The following GTF2IRD1 variants were observed in gnomAD, a reference collection of about 807,000 sequenced individuals.
GTF2IRD1 encodes GTF2I repeat domain containing 1.
A neutral mutation model predicts 113.2 loss-of-function variants in GTF2IRD1; 26 were observed. The ratio of observed to expected loss-of-function variants is 0.23; its 90% CI spans 0.17 to 0.32. The LOEUF (loss-of-function observed/expected upper bound fraction) is 0.32, where lower values mean the gene tolerates loss of function less well. Among genes scored for constraint, GTF2IRD1 ranks in the 10% least tolerant of loss-of-function variants. The pLI is 1.00. For synonymous variants in GTF2IRD1, 484 were observed against 529.1 expected (o/e 0.91, Z 1.17); for missense variants, 864 against 1,280.8 (o/e 0.67, Z 4.97).
At chr7:74,579,620 G>GAA (rs35170472) in intron 22 of GTF2IRD1, among the ~76,000 whole-genome samples, 12 of 134,362 alleles carry the variant, frequency 8.9e-5, no homozygotes, top group Non-Finnish European at 7.9e-5. Flanking sequence ...TCCATCTTAA[G>GAA]AAAAAAAAAA....
chr7:74,587,000 T>C (rs1801753269), intron 22 of GTF2IRD1, among the ~76,000 whole-genome samples: 1 of 151,804 alleles, frequency 6.6e-6, no homozygotes, highest in Non-Finnish European at 1.5e-5. Context: ...TAAAAAAACT[T>C]AGTCTGGCAT....
At chr7:74,595,871 G>A (rs782534630) in intron 25 of GTF2IRD1, 13 of 152,366 alleles carry the variant, frequency 8.5e-5, no homozygotes, top group Non-Finnish European at 1.6e-4. Flanking sequence ...GGCATTGCCC[G>A]AGACTGGCCA....
At position 74,508,056 on chromosome 7, in the gene GTF2IRD1, G is replaced by A; in HGVS notation, c.-6-19G>A. The A allele has an allele frequency of 6.3e-7, 1 of 1,596,758 alleles. No individual in the cohort carries two copies. ...CCCCTGCCTTGTGCCCACCACCACT[G>A]CCTCCTCCCTCCCCACAGGCGACCA... On this transcript the variant is annotated intron_variant, in intron 1 of 26. Transcript: ENST00000424337.
chr7:74,547,084 A>T lies in GTF2IRD1; in HGVS notation c.1733-19A>T, dbSNP rs1470709099. ...GCCCTGTGGCACCGGGTGGCCCTAC[A>T]GCAGCCATGTCTCTGCAGCCAAGGC... On this transcript the variant is annotated intron_variant, in intron 16 of 26. Transcript: ENST00000424337. The T allele has an allele frequency of 1.2e-6, 2 of 1,605,474 alleles. No homozygotes were observed. The highest frequency in any genetic ancestry group is 1.3e-5 in the African/African-American group (1 of 74,732).
At position 74,538,748 on chromosome 7, in the gene GTF2IRD1, GT is replaced by G. The variant is rs1554350912; in HGVS notation, c.1517del (p.Val506AlafsTer13). The G allele has an allele frequency of 2.5e-6, 4 of 1,583,736 alleles. No individual in the cohort carries two copies. On this transcript the variant is annotated frameshift_variant, in exon 13 of 27. Coordinates refer to ENST00000424337, the MANE Select transcript of GTF2IRD1 (RefSeq NM_005685.4). LOFTEE classifies it high-confidence loss of function. Reference sequence around the variant, plus strand: ...GCCAGAGGATCTGGACATCATTCAGGTCACCGTCCCAGGTAAGGGACGGGCA... The same window carrying G: ...GCCAGAGGATCTGGACATCATTCAGGCACCGTCCCAGGTAAGGGACGGGCA... ...IEPEDLDIIQ[V>X]TVPDPSPTSE... is the part of the protein sequence containing the mutation.
At chr7:74,538,043 C>A in intron 11 of GTF2IRD1, 93 bp from the exon 12 acceptor site, 2 of 1,269,034 alleles carry the variant, frequency 1.6e-6, no homozygotes, top group Non-Finnish European at 2.3e-6. Context: ...GCAGTGGCGC[C>A]CGCGGTGGGC....
At chr7:74,540,450 G>A (rs587599605) in intron 14 of GTF2IRD1, among the ~76,000 whole-genome samples, 4 of 151,162 alleles carry the variant, frequency 2.6e-5, no homozygotes, top group Admixed American at 2.6e-4. Flanking sequence ...CTGGCCATAG[G>A]CTCCATTTAT....
chr7:74,573,768 A>T (rs587665886), intron 22 of GTF2IRD1, among the ~76,000 whole-genome samples: 6 of 151,290 alleles, frequency 4.0e-5, no homozygotes, highest in African/African-American at 1.5e-4. Context: ...AGGGAGGTGG[A>T]GGTTGGGGGC....
chr7:74,529,706 C>T (rs782522472), intron 8 of GTF2IRD1, 28 bp from the exon 9 acceptor site: 1 of 1,609,982 alleles, frequency 6.2e-7, no homozygotes, highest in Non-Finnish European at 8.5e-7. Flanking sequence ...GTCTAACACT[C>T]AGCCTTGCTG....
intron 22 of GTF2IRD1, among the ~76,000 whole-genome samples, chr7:74,585,107 G>C (rs1317860143): frequency 6.8e-6 from 1 of 147,334 alleles, no homozygotes; most frequent in Non-Finnish European, 1.5e-5. Context: ...CAGCCTGTTT[G>C]GTGTTTTTTT....
intron 22 of GTF2IRD1, among the ~76,000 whole-genome samples, chr7:74,575,377 G>A (rs2130899564): frequency 6.6e-6 from 1 of 152,248 alleles, no homozygotes; most frequent in Middle Eastern, 3.4e-3. Flanking sequence ...AGATGGAGAT[G>A]GACAGGGAAG....
At chr7:74,570,277 C>T (rs777007477) in intron 22 of GTF2IRD1, among the ~76,000 whole-genome samples, 2 of 151,392 alleles carry the variant, frequency 1.3e-5, no homozygotes, top group Non-Finnish European at 2.9e-5. Flanking sequence ...GCAGGAGAAT[C>T]GCTTGAACCT....
chr7:74,493,113 T>TTC (rs1795462058), intron 1 of GTF2IRD1, among the ~76,000 whole-genome samples: 9 of 142,800 alleles, frequency 6.3e-5, no homozygotes, highest in Non-Finnish European at 1.4e-4. Context: ...TCTTCTTCTT[T>TTC]TTTTTTTTTT....
chr7:74,459,928 GGAGC>G (rs1372772521), intron 1 of GTF2IRD1, among the ~76,000 whole-genome samples: 1 of 152,018 alleles, frequency 6.6e-6, no homozygotes, highest in Non-Finnish European at 1.5e-5. Flanking sequence ...GGGATGATCT[GGAGC>G]GAGTTTGAAT....
Position 74,555,622 on chromosome 7 carries a change from A to G in GTF2IRD1, c.2023+128A>G. 1 of 654,326 alleles carries G rather than the reference A, an allele frequency of 1.5e-6. No individual in the cohort carries two copies. Among genetic ancestry groups the G allele is most frequent in the African/African-American group, 1.8e-5 (1 of 55,712 alleles). 40.5% of individuals were successfully genotyped at this position (654,326 alleles called of 1,614,324 possible). On this transcript the variant is annotated intron_variant, in intron 19 of 26. Coordinates refer to ENST00000424337, the MANE Select transcript of GTF2IRD1 (RefSeq NM_005685.4). The surrounding 1 kb of genome is among the most constrained non-coding windows in gnomAD (Gnocchi z 5.3). ...ACTTCAGGGCCTAAGGGACCAGGCA[A>G]GCCAGGTTGGCAGCCCAGGCCCGGC...
chr7:74,520,922 A>AGG (rs1241478132), intron 6 of GTF2IRD1, among the ~76,000 whole-genome samples: 2 of 150,202 alleles, frequency 1.3e-5, no homozygotes, highest in African/African-American at 4.9e-5. Context: ...TGGGCTGACC[A>AGG]GGGCTTCGAA....
chr7:74,495,177 G>A (rs575175387), intron 1 of GTF2IRD1, among the ~76,000 whole-genome samples: 4 of 152,364 alleles, frequency 2.6e-5, no homozygotes, highest in South Asian at 4.1e-4. Context: ...CCAGGTGTCT[G>A]GGGTGGGAGA....
rs57295970 is a variant in GTF2IRD1, at chr7:74,496,027, TGA to T, written c.-6-12046_-6-12045del. ...AGGAGGACTTGGACTAGCGTGTGTGTGAGTGAGTGTGCATGTGTGCACACATG... is the reference window on the plus strand; with the variant it reads ...AGGAGGACTTGGACTAGCGTGTGTGTGTGAGTGTGCATGTGTGCACACATG... On this transcript the variant is annotated intron_variant, in intron 1 of 26. Transcript: ENST00000424337. Among the ~76,000 whole-genome samples the T allele has an allele frequency of 1.6e-3, 243 of 150,672 alleles. 2 individuals are homozygous for T. The highest frequency in any genetic ancestry group is 3.5e-3 in the South Asian group (17 of 4,794).
chr7:74,545,577 T>C (rs1798873911), intron 15 of GTF2IRD1, among the ~76,000 whole-genome samples, 167 bp from the exon 16 acceptor site: 1 of 152,166 alleles, frequency 6.6e-6, no homozygotes, highest in South Asian at 2.1e-4. Context: ...ATTGTGGACC[T>C]GTCTGCGTGT....
Sources: allele counts gnomAD v4.1 joint callset (sites outside exome capture counted in the v4.1 genomes callset), GRCh38; gene constraint gnomAD v4.1.1; non-coding constraint Gnocchi (gnomAD v3.1); transcripts MANE v1.5; gene names NCBI Gene and HGNC (gene_info 2026-07-23, HGNC 2026-07-21).